Variants in B3GALT1 observed in about 807,000 individuals in gnomAD.
The protein encoded by B3GALT1 is beta-1,3-galactosyltransferase 1.
In B3GALT1, 10 loss-of-function variants were observed where a neutral mutation model predicts 23.2. That is an observed-to-expected ratio of 0.43 (90% confidence interval 0.27 to 0.73). The LOEUF is 0.73. B3GALT1 is among the 30% of genes least tolerant of loss of function. The pLI, the probability that B3GALT1 is intolerant of heterozygous loss-of-function variation, is 0.21. For missense variants in B3GALT1, 299 were observed against 405.4 expected (o/e 0.74, Z 2.25); for synonymous variants, 156 against 141.5 (o/e 1.10, Z -0.73).
chr2:167,786,404 T>C (rs1430108283), intron 3 of B3GALT1, among the ~76,000 whole-genome samples: 1 of 152,264 alleles, frequency 6.6e-6, no homozygotes, highest in Non-Finnish European at 1.5e-5. Context: ...GTAGCTACTG[T>C]GTTCATTTTC....
intron 1 of B3GALT1, among the ~76,000 whole-genome samples, chr2:167,455,152 T>G (rs982659410): frequency 6.6e-6 from 1 of 152,252 alleles, no homozygotes; most frequent in African/African-American, 2.4e-5. Flanking sequence ...CTTTTCTATG[T>G]ATGTCCCATG....
At chr2:167,391,565 G>A (rs1203456053) in intron 1 of B3GALT1, among the ~76,000 whole-genome samples, 2 of 152,136 alleles carry the variant, frequency 1.3e-5, no homozygotes, top group Non-Finnish European at 2.9e-5. Flanking sequence ...GTATAATTTT[G>A]CTAAAGCTCC....
At chr2:167,858,012 A>G (rs781174835) in intron 4 of B3GALT1, among the ~76,000 whole-genome samples, 2 of 152,182 alleles carry the variant, frequency 1.3e-5, no homozygotes, top group Non-Finnish European at 2.9e-5. Flanking sequence ...AAACCTCTGT[A>G]AAATAATCAT....
At chr2:167,756,985 G>C (rs1178794334) in intron 3 of B3GALT1, among the ~76,000 whole-genome samples, 1 of 152,132 alleles carries the variant, frequency 6.6e-6, no homozygotes, top group Admixed American at 6.6e-5. Flanking sequence ...GTCCAAACGA[G>C]TAAATTCAAA....
At chr2:167,556,811 G>T (rs1213093136) in intron 2 of B3GALT1, among the ~76,000 whole-genome samples, 4 of 152,166 alleles carry the variant, frequency 2.6e-5, no homozygotes, top group Admixed American at 2.6e-4. Flanking sequence ...AAGAAAAATT[G>T]TCTTCTTGTG....
intron 3 of B3GALT1, among the ~76,000 whole-genome samples, chr2:167,669,782 A>G (rs1481071509): frequency 1.3e-5 from 2 of 152,242 alleles, no homozygotes; most frequent in East Asian, 3.9e-4. Context: ...CCTACAGTTT[A>G]TCTTATCAGG....
chr2:167,443,377 T>G (rs970215573), intron 1 of B3GALT1, among the ~76,000 whole-genome samples: 1 of 152,234 alleles, frequency 6.6e-6, no homozygotes, highest in Non-Finnish European at 1.5e-5. Context: ...TGGTTCCATA[T>G]GAACTTTAAA....
chr2:167,339,194 G>A (rs1034025018), intron 1 of B3GALT1, among the ~76,000 whole-genome samples: 10 of 152,066 alleles, frequency 6.6e-5, no homozygotes, highest in African/African-American at 2.4e-4. Flanking sequence ...GGCAAAGAAC[G>A]GAAAGCATGC....
chr2:167,832,826 A>C (rs1689379260), intron 4 of B3GALT1, among the ~76,000 whole-genome samples: 3 of 152,370 alleles, frequency 2.0e-5, no homozygotes, highest in Admixed American at 2.0e-4. Context: ...TGTAGTAGTT[A>C]AATGTACAAA....
chr2:167,739,123 T>C (rs556404040), intron 3 of B3GALT1, among the ~76,000 whole-genome samples: 1 of 152,302 alleles, frequency 6.6e-6, no homozygotes, highest in African/African-American at 2.4e-5. Flanking sequence ...GCTATAAGAA[T>C]TGGAATTGTG....
At chr2:167,329,576 C>T (rs942643244) in intron 1 of B3GALT1, among the ~76,000 whole-genome samples, 1 of 152,086 alleles carries the variant, frequency 6.6e-6, no homozygotes, top group Non-Finnish European at 1.5e-5. Flanking sequence ...AAGTTCCCCA[C>T]TATTATTGTA....
chr2:167,485,495 T>G (rs1236294129), intron 1 of B3GALT1, among the ~76,000 whole-genome samples: 1 of 152,170 alleles, frequency 6.6e-6, no homozygotes, highest in Non-Finnish European at 1.5e-5. Flanking sequence ...TCTGGGAAAT[T>G]GAGTGTCCAG....
intron 1 of B3GALT1, among the ~76,000 whole-genome samples, chr2:167,441,888 T>TTTTA (rs1275099292): frequency 6.6e-6 from 1 of 151,940 alleles, no homozygotes. Flanking sequence ...AATTTATTTT[T>TTTTA]TTTATTATAC....
At chr2:167,621,757 G>A (rs1685264260) in intron 2 of B3GALT1, among the ~76,000 whole-genome samples, 1 of 151,976 alleles carries the variant, frequency 6.6e-6, no homozygotes, top group African/African-American at 2.4e-5. Flanking sequence ...GGATCTGATG[G>A]TTTTATAAGG....
At chr2:167,592,104 G>A (rs999635790) in intron 2 of B3GALT1, among the ~76,000 whole-genome samples, 4 of 152,146 alleles carry the variant, frequency 2.6e-5, no homozygotes, top group African/African-American at 7.2e-5. Context: ...AAATCTATGG[G>A]AGGTGCAAGT....
At chr2:167,702,856 T>G (rs998615572) in intron 3 of B3GALT1, among the ~76,000 whole-genome samples, 1 of 152,210 alleles carries the variant, frequency 6.6e-6, no homozygotes, top group African/African-American at 2.4e-5. Flanking sequence ...AAAGAAACAT[T>G]ACAAAGCAGA....
At chr2:167,593,585 A>C (rs1684721566) in intron 2 of B3GALT1, among the ~76,000 whole-genome samples, 1 of 152,244 alleles carries the variant, frequency 6.6e-6, no homozygotes, top group East Asian at 1.9e-4. Context: ...TAAAGAAAGA[A>C]TAATGAGTTA....
rs556113665 is a variant in B3GALT1 at position 167,444,776 on chromosome 2, G to T, written c.-510-45401G>T. On this transcript the variant is annotated intron_variant, in intron 1 of 4. Coordinates refer to ENST00000392690, the MANE Select transcript of B3GALT1 (RefSeq NM_020981.4). ...CTCCCTTTTCTTCTTCATTAGTCTT[G>T]CTAGCGGTCTATAATTTTATTGATG... Among the ~76,000 whole-genome samples, 3 of 151,946 alleles carry T rather than the reference G, an allele frequency of 2.0e-5. No individual in the cohort carries two copies. In the East Asian group the frequency reaches 5.8e-4, roughly 29 times the overall value.
chr2:167,403,964 G>C (rs1211663500), intron 1 of B3GALT1, among the ~76,000 whole-genome samples: 1 of 152,134 alleles, frequency 6.6e-6, no homozygotes, highest in African/African-American at 2.4e-5. Flanking sequence ...TAAGAAAGTT[G>C]TGTTAGTATG....
Sources: gnomAD v4.1 joint callset for allele counts (sites outside exome capture counted in the v4.1 genomes callset) on GRCh38, gnomAD v4.1.1 for gene constraint, MANE v1.5 for transcripts, NCBI Gene and HGNC (gene_info 2026-07-23, HGNC 2026-07-21) for gene names.